BMPR2: variants seen among roughly 807,000 people sequenced by gnomAD.
BMPR2 encodes the protein bone morphogenetic protein receptor type 2.
A neutral mutation model predicts 100.8 loss-of-function variants in BMPR2; 29 were observed. That is an observed-to-expected ratio of 0.29 (90% CI 0.21 to 0.39). BMPR2 has a LOEUF of 0.39. BMPR2 is among the 10% of genes least tolerant of loss of function. The pLI is 1.00. For synonymous variants in BMPR2, 382 were observed against 442.3 expected (o/e 0.86, Z 1.71); for missense variants, 1,011 against 1,274.5 (o/e 0.79, Z 3.15).
chr2:202,519,436 G>GA (rs1300391770), intron 6 of BMPR2, among the ~76,000 whole-genome samples: 3 of 152,220 alleles, frequency 2.0e-5, no homozygotes, highest in African/African-American at 7.2e-5. Context: ...CTGTATTACA[G>GA]ATAGAGCATT....
At chr2:202,439,882 C>A (rs1691696965) in intron 1 of BMPR2, among the ~76,000 whole-genome samples, 1 of 149,904 alleles carries the variant, frequency 6.7e-6, no homozygotes, top group South Asian at 2.1e-4. Context: ...TTTTCCTAGG[C>A]AGAGGACCCT....
intron 3 of BMPR2, among the ~76,000 whole-genome samples, chr2:202,471,507 G>T (rs1372717871): frequency 6.6e-6 from 1 of 152,190 alleles, no homozygotes; most frequent in Non-Finnish European, 1.5e-5. Context: ...GATACCTAGA[G>T]AAGGACACAT....
chr2:202,558,665 G>C (rs543831684), intron 12 of BMPR2, among the ~76,000 whole-genome samples: 1 of 151,768 alleles, frequency 6.6e-6, no homozygotes, highest in Non-Finnish European at 1.5e-5. Flanking sequence ...AGGCTGAGGC[G>C]GGCGGATCAC....
At chr2:202,549,605 C>T (rs948123407) in intron 10 of BMPR2, among the ~76,000 whole-genome samples, 6 of 151,582 alleles carry the variant, frequency 4.0e-5, no homozygotes, top group Non-Finnish European at 5.9e-5. Flanking sequence ...AAAAATTAGC[C>T]GGGTGTGGTG....
chr2:202,544,952 G>A (rs1452691087), intron 10 of BMPR2, among the ~76,000 whole-genome samples: 2 of 151,354 alleles, frequency 1.3e-5, no homozygotes, highest in East Asian at 1.9e-4. Context: ...GGTAGAGACA[G>A]GGTCTCGCTT....
At chr2:202,469,024 G>T (rs557771970) in intron 3 of BMPR2, among the ~76,000 whole-genome samples, 281 of 151,762 alleles carry the variant, frequency 1.9e-3, no homozygotes, top group African/African-American at 6.3e-3. Context: ...TTTATTTTTT[G>T]GTTTTGTTTT....
intron 10 of BMPR2, among the ~76,000 whole-genome samples, chr2:202,546,634 C>T (rs898432321): frequency 6.6e-5 from 10 of 152,076 alleles, no homozygotes; most frequent in Admixed American, 1.3e-4. Flanking sequence ...GACAGAGTCT[C>T]GCTCTGTCAC....
At position 202,556,166 on chromosome 2, in the gene BMPR2, A is replaced by G. The variant is rs1688567536; in HGVS notation, c.2501A>G (p.Gln834Arg). The G allele has an allele frequency of 2.5e-6, 4 of 1,612,076 alleles. No homozygotes were observed. The highest frequency in any genetic ancestry group is 2.2e-5 in the South Asian group (2 of 91,054). ...GCCAATGGGACAGTACTATCTGGCCAAACAACCAACATAGTGACACATAGG... is the reference window on the plus strand; with the variant it reads ...GCCAATGGGACAGTACTATCTGGCCGAACAACCAACATAGTGACACATAGG... ...QYANGTVLSG[Q>R]TTNIVTHRAQ... The change falls in exon 12 of 13, where the codon CAA (glutamine) becomes CGA (arginine). Residue 834 changes from glutamine to arginine, a missense_variant. By Grantham distance (43) the Gln-to-Arg change is conservative (BLOSUM62 1). Around this residue, in one of 6 missense-constraint regions of BMPR2, gnomAD observed 508 missense variants for 552.0 expected, o/e 0.92. Coordinates refer to ENST00000374580, the MANE Select transcript of BMPR2 (RefSeq NM_001204.7).
At chr2:202,395,696 G>A (rs1690644238) in intron 1 of BMPR2, among the ~76,000 whole-genome samples, 1 of 152,228 alleles carries the variant, frequency 6.6e-6, no homozygotes, top group African/African-American at 2.4e-5. Context: ...AGCACTTTGG[G>A]AGGCTGAGGC....
chr2:202,451,191 G>A (rs886584304), intron 1 of BMPR2, among the ~76,000 whole-genome samples: 3 of 152,102 alleles, frequency 2.0e-5, no homozygotes, highest in African/African-American at 7.2e-5. Context: ...ATTTCTATCA[G>A]TTAAACTTAT....
intron 3 of BMPR2, among the ~76,000 whole-genome samples, chr2:202,510,250 G>A (rs1687594616): frequency 6.6e-6 from 1 of 152,136 alleles, no homozygotes; most frequent in Non-Finnish European, 1.5e-5. Flanking sequence ...AACCCTGTCT[G>A]TACTAAAAAA....
intron 3 of BMPR2, among the ~76,000 whole-genome samples, chr2:202,487,713 A>G (rs942506398): frequency 6.6e-5 from 10 of 152,200 alleles, no homozygotes; most frequent in African/African-American, 2.4e-4. Context: ...GTAAGAAAGG[A>G]CAGCAAATTA....
intron 3 of BMPR2, among the ~76,000 whole-genome samples, chr2:202,511,144 C>A (rs1159238067): frequency 6.6e-6 from 1 of 152,172 alleles, no homozygotes; most frequent in East Asian, 1.9e-4. Context: ...ATCTAATAAG[C>A]AGTCACTCCC....
At chr2:202,521,745 G>A (rs2106009867) in intron 7 of BMPR2, among the ~76,000 whole-genome samples, 1 of 152,280 alleles carries the variant, frequency 6.6e-6, no homozygotes, top group Non-Finnish European at 1.5e-5. Flanking sequence ...TTATGGATGT[G>A]TAGGCTAGGA....
intron 1 of BMPR2, among the ~76,000 whole-genome samples, chr2:202,456,063 C>CAAAAAA (rs750470872): frequency 1.6e-4 from 6 of 36,762 alleles, no homozygotes; most frequent in Non-Finnish European, 2.9e-4. Context: ...AGACCCGTCT[C>CAAAAAA]AAAAAAAAAA....
chr2:202,414,932 G>A (rs571968911), intron 1 of BMPR2, among the ~76,000 whole-genome samples: 1 of 152,014 alleles, frequency 6.6e-6, no homozygotes, highest in East Asian at 1.9e-4. Context: ...TAGAGATGGG[G>A]TTTCGCCACA....
chr2:202,494,416 G>C (rs552266211), intron 3 of BMPR2, among the ~76,000 whole-genome samples: 1 of 152,338 alleles, frequency 6.6e-6, no homozygotes, highest in South Asian at 2.1e-4. Flanking sequence ...CCAGACAAAA[G>C]CTGAGTGTAG....
At chr2:202,384,173 A>AAAAAC (rs1010306789) in intron 1 of BMPR2, among the ~76,000 whole-genome samples, 24 of 152,346 alleles carry the variant, frequency 1.6e-4, no homozygotes, top group Admixed American at 1.3e-3. Flanking sequence ...CTCCATCTCA[A>AAAAAC]AAAACAAAAC....
chr2:202,535,560 A>G (rs1354632554), intron 9 of BMPR2, among the ~76,000 whole-genome samples: 4 of 148,268 alleles, frequency 2.7e-5, no homozygotes, highest in Non-Finnish European at 4.5e-5. Flanking sequence ...CACTTCCTAG[A>G]TGGGATGGCG....
Sources: gnomAD v4.1 joint callset for allele counts (sites outside exome capture counted in the v4.1 genomes callset) on GRCh38, gnomAD v4.1.1 for gene constraint, gnomAD v4.1.1 regional missense constraint, MANE v1.5 for transcripts, NCBI Gene and HGNC (gene_info 2026-07-23, HGNC 2026-07-21) for gene names.